RABEP1: variants seen among roughly 807,000 people sequenced by gnomAD.
RABEP1 encodes the protein rabaptin, RAB GTPase binding effector protein 1.
In RABEP1, 51 loss-of-function variants were observed where a neutral mutation model predicts 123.4. The ratio of observed to expected loss-of-function variants is 0.41; its 90% CI spans 0.33 to 0.52. The LOEUF (loss-of-function observed/expected upper bound fraction) is 0.52, where lower values mean the gene tolerates loss of function less well. Among genes scored for constraint, RABEP1 ranks in the 20% least tolerant of loss-of-function variants. The pLI is 0.16. For missense variants in RABEP1, 888 were observed against 996.3 expected (o/e 0.89, Z 1.46); for synonymous variants, 347 against 355.2 (o/e 0.98, Z 0.26).
intron 2 of RABEP1, among the ~76,000 whole-genome samples, chr17:5,314,081 T>C (rs1567876208): frequency 6.6e-6 from 1 of 152,220 alleles, no homozygotes; most frequent in East Asian, 1.9e-4. Context: ...AGTCCAAACA[T>C]TGGTTTTTCC....
intron 5 of RABEP1, among the ~76,000 whole-genome samples, chr17:5,342,744 A>T (rs79346409): frequency 0.14 from 20,778 of 152,170 alleles, 1,490 homozygotes; most frequent in East Asian, 0.18. Flanking sequence ...GGAACAGGAA[A>T]ATACTTAGCA....
intron 10 of RABEP1, among the ~76,000 whole-genome samples, 194 bp downstream of exon 10, chr17:5,363,210 T>TTTTTTG (rs1257002578): frequency 6.6e-6 from 1 of 151,670 alleles, no homozygotes; most frequent in Non-Finnish European, 1.5e-5. Context: ...TGCTTTTTTT[T>TTTTTTG]TTTTTGTTTT....
chr17:5,378,328 A>G (rs1312600717), intron 15 of RABEP1, 96 bp downstream of exon 15: 1 of 1,213,392 alleles, frequency 8.2e-7, no homozygotes, highest in Non-Finnish European at 1.2e-6. Context: ...TAGTTAAGGC[A>G]TGGGCCCTGC....
intron 1 of RABEP1, chr17:5,283,885 A>G (rs1003034634): frequency 1.3e-5 from 2 of 152,176 alleles, no homozygotes; most frequent in African/African-American, 4.8e-5. Context: ...CTGTTCCAGG[A>G]GAAGGGAAGG....
At chr17:5,339,208 T>G (rs1236329521) in intron 5 of RABEP1, among the ~76,000 whole-genome samples, 1 of 151,990 alleles carries the variant, frequency 6.6e-6, no homozygotes, top group Non-Finnish European at 1.5e-5. Context: ...AAAAACAATA[T>G]GAAAATAAAT....
chr17:5,299,345 A>G (rs1184565442), intron 1 of RABEP1, among the ~76,000 whole-genome samples: 3 of 150,174 alleles, frequency 2.0e-5, no homozygotes, highest in Non-Finnish European at 4.4e-5. Flanking sequence ...AATGTCATTT[A>G]GAGAACACAG....
At chr17:5,370,349 C>T (rs536092374) in intron 12 of RABEP1, among the ~76,000 whole-genome samples, 3 of 152,292 alleles carry the variant, frequency 2.0e-5, no homozygotes, top group East Asian at 1.9e-4. Context: ...TGTTCTGCAT[C>T]GCTACAGTAC....
chr17:5,378,168 T>C lies in RABEP1; in HGVS notation c.2216-9T>C, dbSNP rs776502755. On this transcript the variant is annotated splice_polypyrimidine_tract_variant and intron_variant, in intron 14 of 17. Coordinates refer to ENST00000537505, the MANE Select transcript of RABEP1 (RefSeq NM_004703.6). Reference sequence around the variant, plus strand: ...TGAATGCTAATACATCTCATTTTTTTCCTTCTAGCTTCTATTTCTAGCCTA... The same window carrying C: ...TGAATGCTAATACATCTCATTTTTTCCCTTCTAGCTTCTATTTCTAGCCTA... 1.3e-6 allele frequency: 2 copies of C among 1,562,860 alleles called. No homozygotes were observed. Among genetic ancestry groups the C allele is most frequent in the African/African-American group, 2.7e-5 (2 of 73,220 alleles).
At chr17:5,292,636 G>C (rs2075044181) in intron 1 of RABEP1, among the ~76,000 whole-genome samples, 2 of 152,208 alleles carry the variant, frequency 1.3e-5, no homozygotes, top group African/African-American at 4.8e-5. Context: ...CACCCACCTT[G>C]GCCTCCCAAA....
At chr17:5,311,754 G>A (rs2075245222) in intron 2 of RABEP1, among the ~76,000 whole-genome samples, 1 of 149,060 alleles carries the variant, frequency 6.7e-6, no homozygotes, top group Non-Finnish European at 1.5e-5. Context: ...AAAAATCATT[G>A]GAAATGCAGC....
chr17:5,378,232 G>A lies in RABEP1; in HGVS notation c.2271G>A (p.Gln757=). ...ELERIKVEKG[Q]LESTLREKSQ... ...AAAGAATAAAAGTGGAAAAAGGACA[G>A]GTAAGTCGTGAGTTTCAAATTAATT... The change falls in exon 15 of 18, where the codon CAG becomes CAA. Residue 757 remains glutamine, a splice_region_variant and synonymous_variant. Coordinates refer to ENST00000537505, the MANE Select transcript of RABEP1 (RefSeq NM_004703.6). The A allele has an allele frequency of 6.3e-7, 1 of 1,588,710 alleles. No individual in the cohort carries two copies.
intron 9 of RABEP1, 128 bp from the exon 10 acceptor site, chr17:5,362,784 G>C (rs1006541626): frequency 1.6e-6 from 1 of 631,244 alleles, no homozygotes; most frequent in African/African-American, 1.8e-5. Context: ...ACTTTTTGCC[G>C]TAAGGCCCTG....
intron 2 of RABEP1, among the ~76,000 whole-genome samples, chr17:5,315,423 A>T (rs537748664): frequency 6.6e-6 from 1 of 152,350 alleles, no homozygotes; most frequent in East Asian, 1.9e-4. Flanking sequence ...CCTTCAACAC[A>T]CATCTGAAAA....
At chr17:5,346,490 T>G (rs1266328875) in intron 5 of RABEP1, among the ~76,000 whole-genome samples, 1 of 152,186 alleles carries the variant, frequency 6.6e-6, no homozygotes, top group Non-Finnish European at 1.5e-5. Context: ...GATACATGCA[T>G]ATGTTGATGT....
Position 5,308,855 on chromosome 17 carries a change from C to T in RABEP1, c.163+33C>T, listed in dbSNP as rs761917810. The T allele has an allele frequency of 2.2e-5, 34 of 1,544,400 alleles. No individual in the cohort carries two copies. The Middle Eastern group carries it at 1.9e-3, about 86-fold the overall frequency. Reference sequence around the variant, plus strand: ...CATAAGTCTCGCACCAACTTCAATGCGAAAACTGCCTTAAAGTGTTGAGTT... The same window carrying T: ...CATAAGTCTCGCACCAACTTCAATGTGAAAACTGCCTTAAAGTGTTGAGTT... On this transcript the variant is annotated intron_variant, in intron 2 of 17. Transcript: ENST00000537505.
chr17:5,373,231 T>C, intron 12 of RABEP1, 83 bp from the exon 13 acceptor site: 1 of 1,363,480 alleles, frequency 7.3e-7, no homozygotes, highest in Non-Finnish European at 1.0e-6. Context: ...ACTCCTTTAG[T>C]TTGGACTTGT....
At position 5,311,907 on chromosome 17, in the gene RABEP1, ATGAG is replaced by A. The variant is rs368408343; in HGVS notation, c.163+3091_163+3094del. Among the ~76,000 whole-genome samples, 83 of 152,254 alleles carry A rather than the reference ATGAG, an allele frequency of 5.5e-4. 1 individual carries two copies. In the South Asian group the frequency reaches 0.016, roughly 30 times the overall value. ...ATAAATGCCAAGAACCCTTGGTCTC[ATGAG>A]TGAGTAAATAGAAACAGAGTTTTAT... On this transcript the variant is annotated intron_variant, in intron 2 of 17. Transcript: ENST00000537505.
intron 5 of RABEP1, among the ~76,000 whole-genome samples, chr17:5,343,184 G>A (rs527285142): frequency 9.9e-5 from 15 of 152,086 alleles, no homozygotes; most frequent in East Asian, 1.9e-4. Flanking sequence ...CCTGGGAGGC[G>A]GAGGTTGCGG....
chr17:5,373,418 G>C lies in RABEP1; in HGVS notation c.1989G>C (p.Gln663His). ...AGCACAGCCTGCATGTGTCATTACA[G>C]CAAGCAGAAGACTTCATCCTCCCAG... Reference protein sequence around the residue: ...QGKHSLHVSLQQAEDFILPDT... With the variant: ...QGKHSLHVSLHQAEDFILPDT... Residue 663 changes from glutamine (Q) to histidine (H), a missense_variant, in exon 13 of 18, where the codon CAG (glutamine) becomes CAC (histidine). Gln to His is a conservative substitution (Grantham distance 24). Transcript: ENST00000537505. The C allele has an allele frequency of 6.2e-7, 1 of 1,612,556 alleles. No homozygotes were observed.
Sources: allele counts gnomAD v4.1 joint callset (sites outside exome capture counted in the v4.1 genomes callset), GRCh38; gene constraint gnomAD v4.1.1; transcripts MANE v1.5; gene names NCBI Gene and HGNC (gene_info 2026-07-23, HGNC 2026-07-21).